The following SMARCA2 variants were observed in gnomAD, a reference collection of about 807,000 sequenced individuals.
The protein encoded by SMARCA2 is SWI/SNF-related matrix-associated actin-dependent regulator of chromatin subfamily A member 2.
A neutral mutation model predicts 199.8 loss-of-function variants in SMARCA2; 61 were observed. The ratio of observed to expected loss-of-function variants is 0.31; its 90% CI spans 0.25 to 0.38. SMARCA2 has a LOEUF of 0.38. Among genes scored for constraint, SMARCA2 ranks in the 10% least tolerant of loss-of-function variants. SMARCA2 has a pLI of 1.00. For missense variants in SMARCA2, 1,344 were observed against 2,012.2 expected (o/e 0.67, Z 6.35); for synonymous variants, 935 against 732.0 (o/e 1.28, Z -4.48).
intron 29 of SMARCA2, among the ~76,000 whole-genome samples, chr9:2,177,536 C>A (rs1174171449): frequency 6.6e-6 from 1 of 152,064 alleles, no homozygotes; most frequent in African/African-American, 2.4e-5. Context: ...AAAGACATAA[C>A]CAGTATTCTA....
At chr9:2,117,641 G>C (rs1823270031) in intron 25 of SMARCA2, among the ~76,000 whole-genome samples, 1 of 152,178 alleles carries the variant, frequency 6.6e-6, no homozygotes, top group African/African-American at 2.4e-5. Flanking sequence ...AATAGTACCT[G>C]ATCTGGTTGA....
chr9:2,075,742 C>G (rs1203454618), intron 12 of SMARCA2, among the ~76,000 whole-genome samples: 2 of 152,146 alleles, frequency 1.3e-5, no homozygotes, highest in African/African-American at 4.8e-5. Context: ...ACTGGAACCT[C>G]TGCCTCCTGG....
intron 27 of SMARCA2, among the ~76,000 whole-genome samples, chr9:2,133,959 C>G (rs1017468719): frequency 1.3e-5 from 2 of 152,134 alleles, no homozygotes; most frequent in African/African-American, 4.8e-5. Context: ...CTTGTGTCAC[C>G]TCTCATAGCT....
chr9:2,155,745 T>G (rs1825326613), intron 27 of SMARCA2, among the ~76,000 whole-genome samples: 1 of 75,660 alleles, frequency 1.3e-5, no homozygotes, highest in South Asian at 4.7e-4. Flanking sequence ...TTTTTTTTTT[T>G]TTTTTTTTTT....
intron 27 of SMARCA2, among the ~76,000 whole-genome samples, chr9:2,142,964 A>T (rs1447759109): frequency 6.6e-6 from 1 of 151,256 alleles, no homozygotes; most frequent in Non-Finnish European, 1.5e-5. Flanking sequence ...AGCAATTTTG[A>T]TTAAAATGAT....
At chr9:2,133,142 A>G (rs544455266) in intron 27 of SMARCA2, among the ~76,000 whole-genome samples, 1 of 152,334 alleles carries the variant, frequency 6.6e-6, no homozygotes, top group South Asian at 2.1e-4. Context: ...TTTGGCCTAC[A>G]GATACTAAGG....
intron 23 of SMARCA2, among the ~76,000 whole-genome samples, chr9:2,108,202 C>T (rs112879990): frequency 3.3e-5 from 5 of 152,262 alleles, no homozygotes; most frequent in African/African-American, 4.8e-5. Flanking sequence ...GTGGTGTCAA[C>T]GGGTTTGAAC....
chr9:2,111,831 T>G (rs1823019870), intron 24 of SMARCA2, among the ~76,000 whole-genome samples: 1 of 152,158 alleles, frequency 6.6e-6, no homozygotes, highest in African/African-American at 2.4e-5. Context: ...CTCATACAGA[T>G]GAGGAGCACT....
chr9:2,193,025 TG>T lies in SMARCA2; in HGVS notation c.*289del, dbSNP rs1315728167. 5.7e-6 allele frequency: 2 copies of T among 348,484 alleles called. No individual in the cohort carries two copies. The highest frequency in any genetic ancestry group is 4.2e-5 in the African/African-American group (2 of 47,092). The allele number at this position is 348,484 out of a possible 1,614,324, so 21.6% of individuals were successfully genotyped here. A position where few individuals can be genotyped will look rare whatever the true frequency, so the allele number is the denominator to read the frequency against. Reference sequence around the variant, plus strand: ...TATGTGGGTGGATAGTATATTTCTATGGGTGGGTCTAATTTGGTAACGGTTT... The same window carrying T: ...TATGTGGGTGGATAGTATATTTCTATGGTGGGTCTAATTTGGTAACGGTTT... On this transcript the variant is annotated 3_prime_UTR_variant, in exon 34 of 34. Coordinates refer to ENST00000349721, the MANE Select transcript of SMARCA2 (RefSeq NM_003070.5).
chr9:2,187,298 G>T (rs1046298926), intron 32 of SMARCA2, among the ~76,000 whole-genome samples: 4 of 152,118 alleles, frequency 2.6e-5, no homozygotes, highest in African/African-American at 9.7e-5. Context: ...CAAGGTGCGT[G>T]CCTCCATTGT....
At chr9:2,031,530 T>G (rs1475757169) in intron 2 of SMARCA2, among the ~76,000 whole-genome samples, 1 of 152,240 alleles carries the variant, frequency 6.6e-6, no homozygotes, top group Non-Finnish European at 1.5e-5. Flanking sequence ...ATTCAATGTG[T>G]GAGTGTTGGG....
intron 27 of SMARCA2, among the ~76,000 whole-genome samples, chr9:2,139,391 T>C (rs1824358511): frequency 1.3e-5 from 2 of 152,134 alleles, no homozygotes; most frequent in Admixed American, 1.3e-4. Flanking sequence ...TGGAAAATGG[T>C]CCTCATGTGC....
rs1202620959 is a variant in SMARCA2 at position 2,169,512 on chromosome 9, C to T, written c.4200-907C>T. On this transcript the variant is annotated intron_variant, in intron 28 of 33. Coordinates refer to ENST00000349721, the MANE Select transcript of SMARCA2 (RefSeq NM_003070.5). This position sits in a 1 kb window ranked among gnomAD's most constrained non-coding sequence, Gnocchi z 6.5. The stretch of plus-strand genomic sequence containing the variant: ...TTGAAGCGAGCACATGCGCTTCCAC[C>T]CCTCTGTTGATTTGTTTATGGGTTT... 6.6e-6 allele frequency among the ~76,000 whole-genome samples: 1 copy of T among 152,152 alleles called. No individual in the cohort carries two copies. Among genetic ancestry groups the T allele is most frequent in the Non-Finnish European group, 1.5e-5 (1 of 68,038 alleles).
chr9:2,125,232 G>C (rs1292533375), intron 27 of SMARCA2, among the ~76,000 whole-genome samples: 1 of 152,184 alleles, frequency 6.6e-6, no homozygotes, highest in Non-Finnish European at 1.5e-5. Context: ...TGGTTGAACC[G>C]TTGTGTATAA....
chr9:2,132,245 G>C (rs1823994031), intron 27 of SMARCA2, among the ~76,000 whole-genome samples: 2 of 152,202 alleles, frequency 1.3e-5, no homozygotes, highest in African/African-American at 4.8e-5. Flanking sequence ...TTTCCTCACA[G>C]GTGTAAAGAG....
Position 2,076,261 on chromosome 9 carries a change from C to G in SMARCA2, c.1968C>G (p.Thr656=), listed in dbSNP as rs778552092. The change falls in exon 13 of 34, where the codon ACC becomes ACG. Residue 656 remains threonine, a synonymous_variant. Coordinates refer to ENST00000349721, the MANE Select transcript of SMARCA2 (RefSeq NM_003070.5). ...DEEEESSRQE[T]EEKILLDPNS... is the part of the protein sequence containing the mutation. ...AAGAAGAGTCCAGTAGGCAGGAAAC[C>G]GAAGAGAAAATACTCCTGGATCCAA... The G allele has an allele frequency of 6.2e-7, 1 of 1,611,734 alleles. No homozygotes were observed. The highest frequency in any genetic ancestry group is 8.5e-7 in the Non-Finnish European group (1 of 1,177,906).
At chr9:2,041,177 G>T in intron 4 of SMARCA2, 1 of 395,332 alleles carries the variant, frequency 2.5e-6, no homozygotes, top group African/African-American at 2.1e-5. Flanking sequence ...TTTATTTTCT[G>T]GTAGAGGCAG....
chr9:2,113,009 C>G (rs1390423267), intron 24 of SMARCA2, among the ~76,000 whole-genome samples: 1 of 152,208 alleles, frequency 6.6e-6, no homozygotes, highest in African/African-American at 2.4e-5. Context: ...GGTTTGAGCT[C>G]TTTCTACCTT....
At chr9:2,054,511 A>G in intron 5 of SMARCA2, 86 bp from the exon 6 acceptor site, 2 of 1,509,406 alleles carry the variant, frequency 1.3e-6, no homozygotes, top group Non-Finnish European at 1.8e-6. Flanking sequence ...CCGGACTTAA[A>G]CCTAATGTCA....
Sources: allele counts gnomAD v4.1 joint callset (sites outside exome capture counted in the v4.1 genomes callset), GRCh38; gene constraint gnomAD v4.1.1; non-coding constraint Gnocchi (gnomAD v3.1); transcripts MANE v1.5; gene names NCBI Gene and HGNC (gene_info 2026-07-23, HGNC 2026-07-21).